Variants in GNAQ observed in about 807,000 individuals in gnomAD.
The protein encoded by GNAQ is guanine nucleotide-binding protein G(q) subunit alpha.
GNAQ carries 8 observed loss-of-function variants against 43.9 expected under a neutral mutation model. The observed-to-expected ratio is 0.18, with a 90% CI of 0.11 to 0.33. GNAQ has a LOEUF of 0.33. GNAQ is among the 10% of genes least tolerant of loss of function. GNAQ has a pLI of 1.00. For missense variants in GNAQ, 158 were observed against 450.8 expected (o/e 0.35, Z 5.88); for synonymous variants, 155 against 170.7 (o/e 0.91, Z 0.71).
intron 4 of GNAQ, among the ~76,000 whole-genome samples, chr9:77,797,255 A>T (rs1336428660): frequency 2.6e-5 from 4 of 151,120 alleles, no homozygotes; most frequent in Admixed American, 1.3e-4. Flanking sequence ...CTGTTCTCAA[A>T]CTCCTGACTT....
At chr9:77,732,796 A>T (rs1203252680) in intron 5 of GNAQ, among the ~76,000 whole-genome samples, 2 of 152,182 alleles carry the variant, frequency 1.3e-5, no homozygotes, top group Admixed American at 1.3e-4. Context: ...CCTGAGCTGG[A>T]AACAACTGTC....
At chr9:77,906,921 T>G (rs1416092775) in intron 2 of GNAQ, among the ~76,000 whole-genome samples, 1 of 152,224 alleles carries the variant, frequency 6.6e-6, no homozygotes, top group Non-Finnish European at 1.5e-5. Context: ...GAATATACCA[T>G]AAAATCCAGT....
intron 2 of GNAQ, among the ~76,000 whole-genome samples, chr9:77,877,559 T>C (rs1303678668): frequency 2.0e-5 from 3 of 152,344 alleles, no homozygotes; most frequent in South Asian, 4.1e-4. Context: ...TAAATGTATA[T>C]CTTCCACCAA....
intron 2 of GNAQ, among the ~76,000 whole-genome samples, chr9:77,874,578 G>A (rs1376805729): frequency 2.0e-5 from 3 of 152,138 alleles, no homozygotes; most frequent in African/African-American, 7.2e-5. Flanking sequence ...TCTGGAAGCT[G>A]CCATGTCTAC....
In GNAQ at chr9:77,794,632, T is replaced by G. The variant is rs749544720; in HGVS notation, c.606-40A>C. Reference sequence around the variant, plus strand: ...ATACTCATATTAATAACATATAAAGTAAAACTAAAAAGTCAACATAAATAT... The same window carrying G: ...ATACTCATATTAATAACATATAAAGGAAAACTAAAAAGTCAACATAAATAT... On this transcript the variant is annotated intron_variant, in intron 4 of 6. Coordinates refer to ENST00000286548, the MANE Select transcript of GNAQ (RefSeq NM_002072.5). The G allele has an allele frequency of 2.2e-6, 3 of 1,355,682 alleles. No homozygotes were observed. The African/African-American group carries it at 4.4e-5, about 20-fold the overall frequency. 84.0% of individuals were successfully genotyped at this position (1,355,682 alleles called of 1,614,324 possible). A position where few individuals can be genotyped will look rare whatever the true frequency, so the allele number is the denominator to read the frequency against.
intron 1 of GNAQ, among the ~76,000 whole-genome samples, chr9:78,026,228 A>G (rs1176090830): frequency 6.6e-6 from 1 of 152,228 alleles, no homozygotes; most frequent in African/African-American, 2.4e-5. Flanking sequence ...CAGATTTGCC[A>G]TATGAAGAAA....
intron 5 of GNAQ, among the ~76,000 whole-genome samples, chr9:77,770,468 C>T (rs145390390): frequency 3.3e-5 from 5 of 152,254 alleles, no homozygotes; most frequent in African/African-American, 1.2e-4. Context: ...AACAACAAAA[C>T]ACAGGGAGCT....
chr9:77,898,999 A>G (rs1828549090), intron 2 of GNAQ, among the ~76,000 whole-genome samples: 1 of 152,210 alleles, frequency 6.6e-6, no homozygotes, highest in African/African-American at 2.4e-5. Flanking sequence ...GAGTAGCTGT[A>G]CTATAATTTA....
At chr9:77,916,698 C>G (rs1264408339) in intron 2 of GNAQ, among the ~76,000 whole-genome samples, 1 of 151,986 alleles carries the variant, frequency 6.6e-6, no homozygotes, top group African/African-American at 2.4e-5. Flanking sequence ...GAGACAGCTG[C>G]AGCCAAGGTG....
chr9:77,996,612 A>G (rs1823570612), intron 1 of GNAQ, among the ~76,000 whole-genome samples: 1 of 146,680 alleles, frequency 6.8e-6, no homozygotes, highest in African/African-American at 2.5e-5. Context: ...CGGGAGGTGG[A>G]GCTTGCAGTG....
At chr9:77,988,222 T>C (rs1220746826) in intron 1 of GNAQ, among the ~76,000 whole-genome samples, 1 of 152,240 alleles carries the variant, frequency 6.6e-6, no homozygotes, top group East Asian at 1.9e-4. Flanking sequence ...TCTAACATTT[T>C]AGCTTCAGCT....
chr9:77,924,907 T>G (rs562465699), intron 1 of GNAQ, among the ~76,000 whole-genome samples: 2 of 152,048 alleles, frequency 1.3e-5, no homozygotes, highest in South Asian at 4.2e-4. Flanking sequence ...ACAGCTTTGT[T>G]ATATTCTGTC....
At chr9:77,812,928 A>G (rs972692062) in intron 3 of GNAQ, among the ~76,000 whole-genome samples, 1 of 151,526 alleles carries the variant, frequency 6.6e-6, no homozygotes, top group Non-Finnish European at 1.5e-5. Context: ...TTGGAGATGG[A>G]GTCTTCCTCT....
chr9:77,824,580 ACAGT>A (rs1162970268), intron 2 of GNAQ, among the ~76,000 whole-genome samples: 1 of 152,188 alleles, frequency 6.6e-6, no homozygotes, highest in African/African-American at 2.4e-5. Flanking sequence ...TTTAATACAT[ACAGT>A]ATTTTACCAT....
intron 1 of GNAQ, among the ~76,000 whole-genome samples, chr9:78,019,336 G>A (rs576306687): frequency 6.6e-6 from 1 of 152,270 alleles, no homozygotes; most frequent in Admixed American, 6.5e-5. Context: ...GGCAAAACAG[G>A]AGAAGGTAGA....
chr9:77,872,629 G>T (rs747150855), intron 2 of GNAQ, among the ~76,000 whole-genome samples: 8 of 152,172 alleles, frequency 5.3e-5, no homozygotes, highest in Non-Finnish European at 1.0e-4. Flanking sequence ...TCTTGACCAT[G>T]AATGTGTGTG....
At chr9:77,766,795 TA>T (rs1161661909) in intron 5 of GNAQ, among the ~76,000 whole-genome samples, 2 of 152,198 alleles carry the variant, frequency 1.3e-5, no homozygotes, top group Non-Finnish European at 2.9e-5. Context: ...AAGGACAGTC[TA>T]TAAGGAAAGA....
At chr9:78,009,712 G>A (rs1823750784) in intron 1 of GNAQ, among the ~76,000 whole-genome samples, 1 of 152,116 alleles carries the variant, frequency 6.6e-6, no homozygotes. Flanking sequence ...GAACAGGGTA[G>A]AATTACAAAT....
chr9:77,801,439 C>G (rs1036701730), intron 3 of GNAQ, among the ~76,000 whole-genome samples: 1 of 152,206 alleles, frequency 6.6e-6, no homozygotes, highest in African/African-American at 2.4e-5. Flanking sequence ...CTGATGCCTG[C>G]CAGGCTCTGT....
Sources: gnomAD v4.1 joint callset for allele counts (sites outside exome capture counted in the v4.1 genomes callset) on GRCh38, gnomAD v4.1.1 for gene constraint, MANE v1.5 for transcripts, NCBI Gene and HGNC (gene_info 2026-07-23, HGNC 2026-07-21) for gene names.